The following TDRKH variants were observed in gnomAD, a reference collection of about 807,000 sequenced individuals.
TDRKH encodes the protein tudor and KH domain containing.
TDRKH carries 28 observed loss-of-function variants against 61.3 expected under a neutral mutation model. That is an observed-to-expected ratio of 0.46 (90% CI 0.34 to 0.63). TDRKH has a LOEUF of 0.63. Among genes scored for constraint, TDRKH ranks in the 20% least tolerant of loss-of-function variants. The pLI is 0.01. For missense variants in TDRKH, 540 were observed against 683.4 expected (o/e 0.79, Z 2.34); for synonymous variants, 219 against 244.4 (o/e 0.90, Z 0.97).
chr1:151,768,616 A>C (rs1648460459), downstream of TDRKH, among the ~76,000 whole-genome samples: 1 of 152,136 alleles, frequency 6.6e-6, no homozygotes, highest in South Asian at 2.1e-4. Flanking sequence ...ACGACCAATA[A>C]TATTTTTACT....
chr1:151,770,343 CTT>C (rs1248863009), downstream of TDRKH: 14 of 1,502,766 alleles, frequency 9.3e-6, no homozygotes, highest in African/African-American at 2.0e-4. Flanking sequence ...CTTCCCCTGT[CTT>C]TAAAAATGCA....
chr1:151,767,276 G>C (rs370159962), downstream of TDRKH: 3 of 1,613,744 alleles, frequency 1.9e-6, no homozygotes, highest in Admixed American at 5.0e-5. Context: ...GGGTAACCAC[G>C]ACCAGCTTAA....
intron 1 of TDRKH, among the ~76,000 whole-genome samples, chr1:151,784,716 C>T (rs1650155703): frequency 6.6e-6 from 1 of 152,102 alleles, no homozygotes; most frequent in East Asian, 1.9e-4. Context: ...CTTCTCTGTT[C>T]TACCTCACTT....
chr1:151,779,982 TG>T lies in TDRKH; in HGVS notation c.389del (p.Ser130Ter). On this transcript the variant is annotated frameshift_variant, in exon 4 of 13. Coordinates refer to ENST00000368824, the MANE Select transcript of TDRKH (RefSeq NM_001083965.2). LOFTEE classifies it high-confidence loss of function. ...TENTPVSEQL[S>X]VPQRSVGRII... Reference sequence around the variant, plus strand: ...TTCTGCCCACAGATCTCTGGGGAACTGAAAGCTGCTCAGACACTGGGGTATT... The same window carrying T: ...TTCTGCCCACAGATCTCTGGGGAACTAAAGCTGCTCAGACACTGGGGTATT... The T allele has an allele frequency of 6.2e-7, 1 of 1,613,884 alleles. No homozygotes were observed. Among genetic ancestry groups the T allele is most frequent in the Non-Finnish European group, 8.5e-7 (1 of 1,179,764 alleles).
At chr1:151,771,912 A>T (rs538990544), downstream of TDRKH, 2 of 398,602 alleles carry the variant, frequency 5.0e-6, no homozygotes, top group East Asian at 7.1e-5. Flanking sequence ...CTAAAGAGTA[A>T]AGGTTCCCTA....
chr1:151,780,221 C>T (rs1649616174), intron 3 of TDRKH, 81 bp from the exon 4 acceptor site: 3 of 1,455,082 alleles, frequency 2.1e-6, no homozygotes, highest in Admixed American at 3.9e-5. Context: ...AAAACAAACC[C>T]TGGAGGTAGA....
rs17853082 is a variant in TDRKH, at chr1:151,778,798, C to T, written c.770G>A (p.Gly257Glu). ...CACTACCACAGCCATGTCGCCTCCT[C>T]CTTTGGGTGGAGGAGTCACCAGGGG... ...TAPLVTPPPK[G>E]GGDMAVVVSK... Residue 257 changes from glycine to glutamate, a missense_variant, in exon 6 of 13, where the codon GGA becomes GAA. By Grantham distance (98) the Gly-to-Glu change is moderately conservative. Coordinates refer to ENST00000368824, the MANE Select transcript of TDRKH (RefSeq NM_001083965.2). 3 of 1,614,190 alleles carry T rather than the reference C, an allele frequency of 1.9e-6. No individual in the cohort carries two copies. The highest frequency in any genetic ancestry group is 3.3e-5 in the Admixed American group (2 of 60,028).
intron 6 of TDRKH, among the ~76,000 whole-genome samples, chr1:151,777,133 A>G (rs1330938192): frequency 2.0e-5 from 3 of 152,194 alleles, no homozygotes; most frequent in Non-Finnish European, 1.5e-5. Flanking sequence ...AATCTGGCTG[A>G]GAATTTTACT....
At chr1:151,781,271 C>A (rs1408071960) in intron 3 of TDRKH, among the ~76,000 whole-genome samples, 4 of 143,100 alleles carry the variant, frequency 2.8e-5, no homozygotes, top group Non-Finnish European at 6.1e-5. Context: ...GAGCCGAGAT[C>A]GTGCCATTGC....
rs113487108 is a variant in TDRKH, at chr1:151,787,023, A to C, written c.-28+3357T>G. Among the ~76,000 whole-genome samples the C allele has an allele frequency of 5.0e-3, 769 of 152,278 alleles. 6 individuals are homozygous for C. Among genetic ancestry groups the C allele is most frequent in the African/African-American group, 0.017 (692 of 41,538 alleles). On this transcript the variant is annotated intron_variant, in intron 1 of 12. Transcript: ENST00000368824. ...TACACTGCAAATAAAAGCTTTCACC[A>C]TCCTGAAAGTTTGGATGGTATTATA...
At chr1:151,775,727 C>G in intron 9 of TDRKH, 93 bp downstream of exon 9, 1 of 1,530,032 alleles carries the variant, frequency 6.5e-7, no homozygotes, top group South Asian at 1.2e-5. Flanking sequence ...CCCCAGAATT[C>G]AAAAAGCCTG....
intron 3 of TDRKH, 31 bp downstream of exon 3, chr1:151,781,450 G>A: frequency 6.3e-7 from 1 of 1,585,704 alleles, no homozygotes; most frequent in Non-Finnish European, 8.6e-7. Context: ...ATCAATCCTT[G>A]GGAAAGCAGA....
At position 151,778,862 on chromosome 1, in the gene TDRKH, A is replaced by G. The variant is rs975565519; in HGVS notation, c.706T>C (p.Leu236=). Residue 236 remains leucine, a synonymous_variant, in exon 6 of 13, where the codon TTA becomes CTA. Transcript: ENST00000368824. ...ATGCTAGAACTGGTGTTTTTCCATAATGCTGGCTCTCCAGCTCCACCTGGC... is the reference window on the plus strand; with the variant it reads ...ATGCTAGAACTGGTGTTTTTCCATAGTGCTGGCTCTCCAGCTCCACCTGGC... ...TEPGGAGEPA[L]WKNTSSSMEP... is the part of the protein sequence containing the mutation. The G allele has an allele frequency of 1.2e-6, 2 of 1,613,944 alleles. No individual in the cohort carries two copies. The highest frequency in any genetic ancestry group is 1.7e-6 in the Non-Finnish European group (2 of 1,180,006).
downstream of TDRKH, chr1:151,770,405 G>A (rs1648633853): frequency 3.2e-6 from 4 of 1,233,224 alleles, no homozygotes; most frequent in Middle Eastern, 8.7e-4. Flanking sequence ...ACGAAGGTGG[G>A]AAGTTGTAAC....
rs1287745186 is a variant in TDRKH at position 151,781,485 on chromosome 1, T to G, written c.227A>C (p.Lys76Thr). 2.5e-6 allele frequency: 4 copies of G among 1,613,298 alleles called. No individual in the cohort carries two copies. In the African/African-American group the frequency reaches 4.0e-5, roughly 16 times the overall value. Residue 76 changes from lysine to threonine, a missense_variant, in exon 3 of 13, where the codon AAA becomes ACA. Around this residue, in one of 3 missense-constraint regions of TDRKH, gnomAD observed 156 missense variants for 218.0 expected, o/e 0.72. Coordinates refer to ENST00000368824, the MANE Select transcript of TDRKH (RefSeq NM_001083965.2). The stretch of plus-strand genomic sequence containing the variant: ...ACTGCCTACTCACACACTTACCTGT[T>G]TAATATTGGCTCCTTGCCGGCCAAT... The part of the protein sequence containing the change: ...LIIGRQGANI[K>T]QLRKQTGARI...
chr1:151,766,834 G>GT (rs1197129986), downstream of TDRKH: 5 of 1,611,528 alleles, frequency 3.1e-6, no homozygotes, highest in Non-Finnish European at 3.4e-6. Context: ...TACCTTTACT[G>GT]TTACAAGTAC....
intron 2 of TDRKH, 198 bp from the exon 3 acceptor site, chr1:151,781,785 C>T (rs1649844119): frequency 3.6e-6 from 2 of 556,600 alleles, no homozygotes; most frequent in Non-Finnish European, 6.4e-6. Flanking sequence ...GGCATTTTCT[C>T]TGGGACACTG....
chr1:151,766,636 T>A, downstream of TDRKH: 1 of 1,506,566 alleles, frequency 6.6e-7, no homozygotes. Context: ...TAGTGCCCAC[T>A]GGGTCACAAT....
intron 3 of TDRKH, among the ~76,000 whole-genome samples, 160 bp downstream of exon 3, chr1:151,781,317 CAAAA>C (rs58169893): frequency 6.7e-4 from 43 of 64,652 alleles, no homozygotes; most frequent in Admixed American, 1.3e-3. Context: ...AACTCCATCT[CAAAA>C]AAAAAAAATA....
Sources: allele counts gnomAD v4.1 joint callset (sites outside exome capture counted in the v4.1 genomes callset), GRCh38; gene constraint gnomAD v4.1.1; regional missense constraint gnomAD v4.1.1; transcripts MANE v1.5; gene names NCBI Gene and HGNC (gene_info 2026-07-23, HGNC 2026-07-21).